Variants in DPYD observed in about 807,000 individuals in gnomAD.
DPYD encodes the protein dihydropyrimidine dehydrogenase.
A neutral mutation model predicts 116.2 loss-of-function variants in DPYD; 109 were observed. The ratio of observed to expected loss-of-function variants is 0.94; its 90% CI spans 0.80 to 1.10. The LOEUF (loss-of-function observed/expected upper bound fraction) is 1.10. Among genes scored for constraint, DPYD ranks in the 50% least tolerant of loss-of-function variants. The probability of loss-of-function intolerance (pLI) is 0.00; values close to 1 mark genes in which losing one functional copy is unlikely to be tolerated. For missense variants in DPYD, 1,302 were observed against 1,254.5 expected (o/e 1.04, Z -0.57); for synonymous variants, 440 against 432.0 (o/e 1.02, Z -0.23).
At chr1:97,266,113 T>G (rs1664210811) in intron 18 of DPYD, among the ~76,000 whole-genome samples, 1 of 152,192 alleles carries the variant, frequency 6.6e-6, no homozygotes, top group Non-Finnish European at 1.5e-5. Flanking sequence ...AAACTTAATC[T>G]AAGTTTCACA....
At position 97,373,587 on chromosome 1, in the gene DPYD, T is replaced by C. The variant is rs769696395; in HGVS notation, c.2032A>G (p.Arg678Gly). Residue 678 changes from arginine to glycine, a missense_variant, in exon 16 of 23, where the codon AGA becomes GGA. By Grantham distance (125) the Arg-to-Gly change is moderately radical. Coordinates refer to ENST00000370192, the MANE Select transcript of DPYD (RefSeq NM_000110.4). Reference protein sequence around the residue: ...NLSCPHGMGERGMGLACGQDP... With the variant: ...NLSCPHGMGEGGMGLACGQDP... ...TGCCCACAGGCCAGGCCCATTCCTC[T>C]TTCTCCCATGCCATGTGGACATGAT... is the stretch of plus-strand genomic sequence containing the variant. The C allele has an allele frequency of 2.5e-6, 4 of 1,613,862 alleles. No homozygotes were observed. The highest frequency in any genetic ancestry group is 4.5e-5 in the East Asian group (2 of 44,858).
chr1:97,493,652 T>C (rs1354188213), intron 13 of DPYD, among the ~76,000 whole-genome samples: 2 of 152,080 alleles, frequency 1.3e-5, no homozygotes, highest in African/African-American at 4.8e-5. Context: ...ACAATGATTG[T>C]CAATGAATAG....
intron 11 of DPYD, among the ~76,000 whole-genome samples, chr1:97,554,534 C>T (rs1651553959): frequency 1.3e-5 from 2 of 152,000 alleles, no homozygotes; most frequent in Admixed American, 6.6e-5. Context: ...CCCACTAGGA[C>T]CAAATCACAA....
chr1:97,848,189 C>T lies in DPYD; in HGVS notation c.151-19993G>A, dbSNP rs190244527. On this transcript the variant is annotated intron_variant, in intron 2 of 22. Transcript: ENST00000370192. ...CTTGGCTCACTGCAAGCTCCGCCTC[C>T]CGGGTTCATGCCATTCTCCTGCCTC... is the stretch of plus-strand genomic sequence containing the variant. 6.6e-3 allele frequency among the ~76,000 whole-genome samples: 998 copies of T among 152,278 alleles called. 13 individuals carry two copies. Among genetic ancestry groups the T allele is most frequent in the African/African-American group, 0.023 (938 of 41,540 alleles).
chr1:97,441,526 G>A (rs567391958), intron 14 of DPYD, among the ~76,000 whole-genome samples: 1 of 152,076 alleles, frequency 6.6e-6, no homozygotes, highest in Admixed American at 6.5e-5. Context: ...CTTATTCATT[G>A]TAGTTTTAAT....
chr1:97,179,712 T>C (rs1382983629), intron 20 of DPYD, among the ~76,000 whole-genome samples: 2 of 152,136 alleles, frequency 1.3e-5, no homozygotes. Context: ...AGTCACATTT[T>C]CTGTGCGCAT....
At chr1:97,104,364 G>A (rs1194558051) in intron 20 of DPYD, among the ~76,000 whole-genome samples, 5 of 151,986 alleles carry the variant, frequency 3.3e-5, no homozygotes, top group South Asian at 2.1e-4. Flanking sequence ...GTAAAAAATC[G>A]TACTTACAGA....
intron 19 of DPYD, among the ~76,000 whole-genome samples, chr1:97,211,233 C>T (rs992050098): frequency 2.0e-5 from 3 of 152,116 alleles, no homozygotes; most frequent in African/African-American, 7.2e-5. Flanking sequence ...TTCTGCAATG[C>T]CTTTCTCCAT....
At chr1:97,271,704 C>G (rs1212550568) in intron 18 of DPYD, among the ~76,000 whole-genome samples, 1 of 152,036 alleles carries the variant, frequency 6.6e-6, no homozygotes, top group Non-Finnish European at 1.5e-5. Context: ...CAATTTAGTC[C>G]CTACTCACTA....
At chr1:97,358,500 C>T (rs867288038) in intron 16 of DPYD, among the ~76,000 whole-genome samples, 15 of 152,322 alleles carry the variant, frequency 9.8e-5, no homozygotes, top group Middle Eastern at 6.8e-3. Flanking sequence ...GCTGCATCCT[C>T]AAGTGGGCCC....
intron 2 of DPYD, among the ~76,000 whole-genome samples, chr1:97,874,302 G>A (rs1275587411): frequency 1.3e-5 from 2 of 151,790 alleles, no homozygotes. Context: ...TCTAAATTAG[G>A]TATTTGTATC....
chr1:97,533,039 CT>C (rs1256515919), intron 12 of DPYD, among the ~76,000 whole-genome samples: 1 of 151,538 alleles, frequency 6.6e-6, no homozygotes, highest in Non-Finnish European at 1.5e-5. Context: ...TCTCTTAGTA[CT>C]GTTCTTGCAT....
In DPYD at chr1:97,837,089, T is replaced by C. The variant is rs1046761129; in HGVS notation, c.151-8893A>G. 2.0e-5 allele frequency among the ~76,000 whole-genome samples: 3 copies of C among 152,144 alleles called. No homozygotes were observed. The South Asian group carries it at 6.2e-4, about 32-fold the overall frequency. ...AAGCCTTCCAATATCCTTCTGGTTTTGGAGGAATAAAGGCTTTTACTTGAC... is the reference window on the plus strand; with the variant it reads ...AAGCCTTCCAATATCCTTCTGGTTTCGGAGGAATAAAGGCTTTTACTTGAC... On this transcript the variant is annotated intron_variant, in intron 2 of 22. Coordinates refer to ENST00000370192, the MANE Select transcript of DPYD (RefSeq NM_000110.4).
intron 20 of DPYD, among the ~76,000 whole-genome samples, chr1:97,172,826 T>C (rs971030560): frequency 6.6e-6 from 1 of 152,146 alleles, no homozygotes; most frequent in African/African-American, 2.4e-5. Flanking sequence ...TCACAAATGA[T>C]CATTTAGCCA....
In DPYD at chr1:97,449,666, T is replaced by G. The variant is rs1676292832; in HGVS notation, c.1905+393A>C. Among the ~76,000 whole-genome samples, 5 of 152,196 alleles carry G rather than the reference T, an allele frequency of 3.3e-5. No homozygotes were observed. In the South Asian group the frequency reaches 1.0e-3, roughly 32 times the overall value. ...TCCCACTGAAAAAATATAGACTTCATAGGAAGATATGCTGCTTCTGCCTCA... is the reference window on the plus strand; with the variant it reads ...TCCCACTGAAAAAATATAGACTTCAGAGGAAGATATGCTGCTTCTGCCTCA... On this transcript the variant is annotated intron_variant, in intron 14 of 22. Transcript: ENST00000370192.
chr1:97,524,060 C>T (rs191567673), intron 12 of DPYD, among the ~76,000 whole-genome samples: 14 of 151,568 alleles, frequency 9.2e-5, no homozygotes, highest in African/African-American at 3.1e-4. Context: ...CAGAAGATAC[C>T]GCAAAGGTGT....
At chr1:97,508,747 G>A (rs1461426347) in intron 13 of DPYD, among the ~76,000 whole-genome samples, 2 of 151,916 alleles carry the variant, frequency 1.3e-5, no homozygotes, top group Non-Finnish European at 1.5e-5. Context: ...ATAGACCTTG[G>A]TTCAAATCCT....
chr1:97,763,846 T>C (rs1361055638), intron 3 of DPYD, among the ~76,000 whole-genome samples: 1 of 152,130 alleles, frequency 6.6e-6, no homozygotes, highest in African/African-American at 2.4e-5. Context: ...GAATCTTATT[T>C]TTCTCTGAAT....
intron 3 of DPYD, among the ~76,000 whole-genome samples, chr1:97,769,952 A>G (rs2101156219): frequency 6.6e-6 from 1 of 152,308 alleles, no homozygotes; most frequent in African/African-American, 2.4e-5. Context: ...ACTGATTTAT[A>G]GAAGAAGAGA....
Sources: allele counts gnomAD v4.1 joint callset (sites outside exome capture counted in the v4.1 genomes callset), GRCh38; gene constraint gnomAD v4.1.1; transcripts MANE v1.5; gene names NCBI Gene and HGNC (gene_info 2026-07-23, HGNC 2026-07-21).